CDH13: variants seen among roughly 807,000 people sequenced by gnomAD.
CDH13 encodes the protein cadherin 13.
A neutral mutation model predicts 63.8 loss-of-function variants in CDH13; 24 were observed. The ratio of observed to expected loss-of-function variants is 0.38; its 90% confidence interval spans 0.27 to 0.53. CDH13 has a LOEUF of 0.53. CDH13 is among the 20% of genes least tolerant of loss of function. The pLI, the probability that CDH13 is intolerant of heterozygous loss-of-function variation, is 0.85. For missense variants in CDH13, 1,049 were observed against 903.1 expected, an observed-to-expected ratio of 1.16 and a Z score of -2.07; for synonymous variants, 503 against 355.3, an observed-to-expected ratio of 1.42 and a Z score of -4.67.
intron 1 of CDH13, among the ~76,000 whole-genome samples, chr16:82,744,338 A>G (rs2034064924): frequency 6.6e-6 from 1 of 152,162 alleles, no homozygotes; most frequent in African/African-American, 2.4e-5. Context: ...GTCGTTTTTC[A>G]TAGGTTGGAC....
chr16:82,979,130 T>A (rs974636331), intron 2 of CDH13, among the ~76,000 whole-genome samples: 1 of 152,244 alleles, frequency 6.6e-6, no homozygotes, highest in Non-Finnish European at 1.5e-5. Flanking sequence ...TCCTTTGTTT[T>A]GGCCAGTTAC....
intron 6 of CDH13, among the ~76,000 whole-genome samples, chr16:83,352,808 T>C (rs2090981706): frequency 6.6e-6 from 1 of 152,184 alleles, no homozygotes; most frequent in African/African-American, 2.4e-5. Flanking sequence ...GAGAATGGCA[T>C]GAACCCGGGA....
At chr16:82,981,881 G>T (rs957615995) in intron 2 of CDH13, among the ~76,000 whole-genome samples, 1 of 152,008 alleles carries the variant, frequency 6.6e-6, no homozygotes, top group Non-Finnish European at 1.5e-5. Context: ...CTGCAGCTTC[G>T]AACACTGTTG....
chr16:82,934,195 T>C (rs1451513819), intron 2 of CDH13, among the ~76,000 whole-genome samples: 1 of 152,176 alleles, frequency 6.6e-6, no homozygotes, highest in East Asian at 1.9e-4. Context: ...TTTCCATACA[T>C]CTTCTGAAGT....
chr16:82,961,367 G>T (rs936667436), intron 2 of CDH13, among the ~76,000 whole-genome samples: 1 of 152,146 alleles, frequency 6.6e-6, no homozygotes, highest in South Asian at 2.1e-4. Flanking sequence ...AAATGGAGAC[G>T]AGAGAGGAAG....
chr16:83,035,666 G>A (rs533914899), intron 3 of CDH13, among the ~76,000 whole-genome samples: 43 of 152,272 alleles, frequency 2.8e-4, no homozygotes, highest in African/African-American at 9.6e-4. Flanking sequence ...TGAAGGACGG[G>A]TCATTGTGCA....
intron 4 of CDH13, among the ~76,000 whole-genome samples, chr16:83,164,838 T>C (rs1342567773): frequency 2.6e-5 from 4 of 151,840 alleles, no homozygotes; most frequent in Non-Finnish European, 4.4e-5. Flanking sequence ...TGTGTATATA[T>C]ATATATGCAT....
chr16:83,459,703 T>G (rs1172648544), intron 6 of CDH13, among the ~76,000 whole-genome samples: 1 of 152,210 alleles, frequency 6.6e-6, no homozygotes, highest in Non-Finnish European at 1.5e-5. Context: ...AAACCTGTAT[T>G]AAGAGTCACT....
At chr16:83,200,850 T>G (rs1482595496) in intron 4 of CDH13, among the ~76,000 whole-genome samples, 1 of 151,590 alleles carries the variant, frequency 6.6e-6, no homozygotes, top group Non-Finnish European at 1.5e-5. Context: ...AGAGAGATAT[T>G]CATCCAAGTT....
intron 6 of CDH13, among the ~76,000 whole-genome samples, chr16:83,423,258 A>G (rs2071770445): frequency 6.6e-6 from 1 of 152,200 alleles, no homozygotes; most frequent in Admixed American, 6.5e-5. Context: ...TCAACATGAC[A>G]TGTCAACACT....
In CDH13 at chr16:82,759,229, A is replaced by G. The variant is rs545288060; in HGVS notation, c.46-99133A>G. Among the ~76,000 whole-genome samples the G allele has an allele frequency of 7.2e-5, 11 of 152,260 alleles. No homozygotes were observed. In the East Asian group the frequency reaches 2.1e-3, roughly 29 times the overall value. On this transcript the variant is annotated intron_variant, in intron 1 of 13. Transcript: ENST00000567109. Reference sequence around the variant, plus strand: ...TGAGCAGAAACCTGATTTTTAATATAAACTTTATTTGTGTATCTCCCTTCT... The same window carrying G: ...TGAGCAGAAACCTGATTTTTAATATGAACTTTATTTGTGTATCTCCCTTCT...
chr16:82,828,399 C>T (rs768364960), intron 1 of CDH13, among the ~76,000 whole-genome samples: 1 of 152,114 alleles, frequency 6.6e-6, no homozygotes, highest in African/African-American at 2.4e-5. Flanking sequence ...AAACAGATGA[C>T]TTGAGGCCAG....
At chr16:83,752,848 T>A (rs1913196389) in intron 11 of CDH13, among the ~76,000 whole-genome samples, 1 of 152,250 alleles carries the variant, frequency 6.6e-6, no homozygotes, top group Non-Finnish European at 1.5e-5. Flanking sequence ...CACTACATGT[T>A]AATCCCACCC....
At chr16:82,756,296 A>C (rs922652376) in intron 1 of CDH13, among the ~76,000 whole-genome samples, 1 of 152,172 alleles carries the variant, frequency 6.6e-6, no homozygotes, top group African/African-American at 2.4e-5. Flanking sequence ...AGGCCAAGTG[A>C]AAAGTGATAT....
intron 3 of CDH13, among the ~76,000 whole-genome samples, chr16:83,097,649 C>T (rs968847345): frequency 9.2e-5 from 14 of 152,252 alleles, no homozygotes; most frequent in African/African-American, 2.4e-4. Flanking sequence ...GAAGAGGCAG[C>T]ATCTTTAGAG....
intron 5 of CDH13, among the ~76,000 whole-genome samples, chr16:83,277,968 C>T (rs974693097): frequency 1.3e-5 from 2 of 152,040 alleles, no homozygotes; most frequent in Non-Finnish European, 2.9e-5. Flanking sequence ...AATGCTATAT[C>T]AAGTAGTTGA....
chr16:83,022,966 T>C (rs1432183178), intron 2 of CDH13: 1 of 152,256 alleles, frequency 6.6e-6, no homozygotes, highest in African/African-American at 2.4e-5. Flanking sequence ...ATTTCATTTT[T>C]TCTGGGATCA....
intron 4 of CDH13, among the ~76,000 whole-genome samples, chr16:83,140,951 C>G (rs935321283): frequency 1.3e-5 from 2 of 152,206 alleles, no homozygotes; most frequent in Admixed American, 1.3e-4. Flanking sequence ...TTATCTTGGT[C>G]TATTGATGCA....
At position 82,988,947 on chromosome 16, in the gene CDH13, A is replaced by G. The variant is rs562610687; in HGVS notation, c.158-43063A>G. Among the ~76,000 whole-genome samples, 6 of 152,252 alleles carry G rather than the reference A, an allele frequency of 3.9e-5. No homozygotes were observed. The East Asian group carries it at 7.7e-4, about 20-fold the overall frequency. On this transcript the variant is annotated intron_variant, in intron 2 of 13. Coordinates refer to ENST00000567109, the MANE Select transcript of CDH13 (RefSeq NM_001257.5). ...CGTTCCTTGAAGACTCCATTGTCTC[A>G]TTTCTTTTTATATCTCCAGTGCCAA... is the stretch of plus-strand genomic sequence containing the variant.
Sources: gnomAD v4.1 joint callset for allele counts (sites outside exome capture counted in the v4.1 genomes callset) on GRCh38, gnomAD v4.1.1 for gene constraint, MANE v1.5 for transcripts, NCBI Gene and HGNC (gene_info 2026-07-23, HGNC 2026-07-21) for gene names.